COBL: variants seen among roughly 807,000 people sequenced by gnomAD.
The protein encoded by COBL is cordon-bleu WH2 repeat protein.
A neutral mutation model predicts 98.8 loss-of-function variants in COBL; 51 were observed. The ratio of observed to expected loss-of-function variants is 0.52; its 90% CI spans 0.41 to 0.65. The LOEUF (loss-of-function observed/expected upper bound fraction) is 0.65. COBL is among the 30% of genes least tolerant of loss of function. COBL has a pLI of 0.00. For synonymous variants in COBL, 634 were observed against 651.7 expected (o/e 0.97, Z 0.41); for missense variants, 1,617 against 1,617.5 (o/e 1.00, Z 0.01).
intron 5 of COBL, among the ~76,000 whole-genome samples, chr7:51,175,086 C>A (rs1369632478): frequency 2.0e-5 from 3 of 152,232 alleles, no homozygotes; most frequent in Non-Finnish European, 4.4e-5. Flanking sequence ...GCCCTTTCCA[C>A]TGCTCCCTTT....
At chr7:51,160,076 C>G (rs909393989) in intron 5 of COBL, among the ~76,000 whole-genome samples, 13 of 152,018 alleles carry the variant, frequency 8.6e-5, no homozygotes, top group African/African-American at 3.1e-4. Flanking sequence ...ATTTTTAGTA[C>G]AGATGGGGTT....
intron 1 of COBL, among the ~76,000 whole-genome samples, chr7:51,312,707 T>C (rs975028828): frequency 3.3e-5 from 5 of 152,178 alleles, no homozygotes; most frequent in Non-Finnish European, 7.3e-5. Context: ...GTGGGGGCTG[T>C]CGCTCTGCCT....
intron 7 of COBL, chr7:51,065,450 C>T (rs1347029631): frequency 1.7e-5 from 12 of 696,912 alleles, no homozygotes; most frequent in Non-Finnish European, 2.9e-5. Context: ...GCTCCATAAA[C>T]TGTAGGGGCA....
chr7:51,290,500 C>T (rs1800796098), intron 1 of COBL, among the ~76,000 whole-genome samples: 1 of 152,150 alleles, frequency 6.6e-6, no homozygotes, highest in Admixed American at 6.5e-5. Flanking sequence ...TAAATCTTGT[C>T]TTAATCAGAA....
chr7:51,183,373 T>C (rs888236024), intron 5 of COBL, among the ~76,000 whole-genome samples: 2 of 152,232 alleles, frequency 1.3e-5, no homozygotes, highest in African/African-American at 4.8e-5. Context: ...TAGTAAAATA[T>C]ACTTGTGAAG....
intron 6 of COBL, among the ~76,000 whole-genome samples, chr7:51,125,246 A>T (rs78411781): frequency 0.013 from 2,007 of 152,282 alleles, 49 homozygotes; most frequent in African/African-American, 0.045. Context: ...GACTGTACTT[A>T]TAAGAAGAGG....
Position 51,028,627 on chromosome 7 carries a change from A to C in COBL, c.2469T>G (p.His823Gln). The C allele has an allele frequency of 6.2e-7, 1 of 1,613,480 alleles. No individual in the cohort carries two copies. Among genetic ancestry groups the C allele is most frequent in the Non-Finnish European group, 8.5e-7 (1 of 1,179,678 alleles). Reference sequence around the variant, plus strand: ...CCTCCCCTAGGGGGTTCCGGCCCTCATGGTGGGCAGACTTCTGCTGGGGCG... The same window carrying C: ...CCTCCCCTAGGGGGTTCCGGCCCTCCTGGTGGGCAGACTTCTGCTGGGGCG... ...PISPQQKSAH[H>Q]EGRNPLGEGR... Residue 823 changes from histidine (H) to glutamine (Q), a missense_variant, in exon 10 of 13, where the codon CAT becomes CAG. By Grantham distance (24) the His-to-Gln change is conservative. Transcript: ENST00000265136.
At position 51,264,596 on chromosome 7, in the gene COBL, G is replaced by A. The variant is rs568960824; in HGVS notation, c.42-44652C>T. Among the ~76,000 whole-genome samples, 4 of 150,388 alleles carry A rather than the reference G, an allele frequency of 2.7e-5. No individual in the cohort carries two copies. The East Asian group carries it at 7.9e-4, about 30-fold the overall frequency. ...TGAGGAAGGAGAATCGCTTGAACCC[G>A]GGAGGTGGAGGTTGTAGTGAGCCAA... is the stretch of plus-strand genomic sequence containing the variant. On this transcript the variant is annotated intron_variant, in intron 1 of 12. Transcript: ENST00000265136.
At chr7:51,303,794 G>T (rs1444562100) in intron 1 of COBL, among the ~76,000 whole-genome samples, 1 of 152,084 alleles carries the variant, frequency 6.6e-6, no homozygotes, top group Non-Finnish European at 1.5e-5. Context: ...TTCCCAGTGG[G>T]TCTACAGACT....
intron 6 of COBL, among the ~76,000 whole-genome samples, chr7:51,091,183 C>A (rs1794779843): frequency 6.6e-6 from 1 of 152,074 alleles, no homozygotes; most frequent in East Asian, 1.9e-4. Context: ...ACAAAATAAA[C>A]ATCTAGAGAG....
Position 51,193,395 on chromosome 7 carries a change from G to C in COBL, c.440C>G (p.Pro147Arg). Residue 147 changes from proline (P) to arginine (R), a missense_variant, in exon 3 of 13, where the codon CCC becomes CGC. By Grantham distance (103) the Pro-to-Arg change is moderately radical. Coordinates refer to ENST00000265136, the MANE Select transcript of COBL (RefSeq NM_015198.5). ...CCTACTAACCTCAGGCACCTTAGGGGGACCAGGCTTAACCTTCTCTTCAGG... is the reference window on the plus strand; with the variant it reads ...CCTACTAACCTCAGGCACCTTAGGGCGACCAGGCTTAACCTTCTCTTCAGG... The part of the protein sequence containing the change: ...KVPEEKVKPG[P>R]PKVPEKSVRL... 10 of 1,614,116 alleles carry C rather than the reference G, an allele frequency of 6.2e-6. No homozygotes were observed. Among genetic ancestry groups the C allele is most frequent in the Non-Finnish European group, 8.5e-6 (10 of 1,180,002 alleles).
At chr7:51,066,020 G>A (rs1791888382) in intron 7 of COBL, among the ~76,000 whole-genome samples, 1 of 152,214 alleles carries the variant, frequency 6.6e-6, no homozygotes, top group South Asian at 2.1e-4. Context: ...GACAGTGAGA[G>A]AATAAATTTC....
chr7:51,079,731 G>A (rs1324835201), intron 7 of COBL, among the ~76,000 whole-genome samples: 2 of 152,248 alleles, frequency 1.3e-5, no homozygotes, highest in East Asian at 3.9e-4. Context: ...ACGCAGCTCA[G>A]AGCAATCTGC....
chr7:51,292,313 T>C (rs1204050114), intron 1 of COBL, among the ~76,000 whole-genome samples: 1 of 152,204 alleles, frequency 6.6e-6, no homozygotes, highest in Non-Finnish European at 1.5e-5. Flanking sequence ...ATGAAATGAA[T>C]CTTCAAATCA....
chr7:51,213,271 G>A (rs138133784), intron 2 of COBL, among the ~76,000 whole-genome samples: 92 of 152,278 alleles, frequency 6.0e-4, no homozygotes, highest in Non-Finnish European at 1.0e-3. Flanking sequence ...TAGAAGCCAG[G>A]TCGCACAGCA....
chr7:51,206,440 C>T (rs138164074), intron 2 of COBL, among the ~76,000 whole-genome samples: 2 of 150,450 alleles, frequency 1.3e-5, no homozygotes, highest in African/African-American at 2.5e-5. Context: ...TGCACTGAGC[C>T]GAGATCGCGC....
chr7:51,187,034 A>G (rs912306236), intron 4 of COBL, among the ~76,000 whole-genome samples: 4 of 152,290 alleles, frequency 2.6e-5, no homozygotes, highest in Admixed American at 6.5e-5. Flanking sequence ...ATTAAATATT[A>G]AGAAAAGTGT....
intron 6 of COBL, among the ~76,000 whole-genome samples, chr7:51,114,516 T>C (rs533543096): frequency 7.2e-5 from 11 of 152,276 alleles, no homozygotes; most frequent in Non-Finnish European, 1.5e-4. Context: ...CCTAATACTG[T>C]TTCTATAAGA....
At chr7:51,304,277 G>A (rs954565207) in intron 1 of COBL, among the ~76,000 whole-genome samples, 1 of 152,184 alleles carries the variant, frequency 6.6e-6, no homozygotes, top group African/African-American at 2.4e-5. Flanking sequence ...GTCACAGGCA[G>A]GTCCAGCCTT....
Sources: allele counts gnomAD v4.1 joint callset (sites outside exome capture counted in the v4.1 genomes callset), GRCh38; gene constraint gnomAD v4.1.1; transcripts MANE v1.5; gene names NCBI Gene and HGNC (gene_info 2026-07-23, HGNC 2026-07-21).